The following RASGRP1 variants were observed in gnomAD, a reference collection of about 807,000 sequenced individuals.
The protein encoded by RASGRP1 is RAS guanyl-releasing protein 1.
A neutral mutation model predicts 95.1 loss-of-function variants in RASGRP1; 37 were observed. The ratio of observed to expected loss-of-function variants is 0.39; its 90% CI spans 0.30 to 0.51. The LOEUF (loss-of-function observed/expected upper bound fraction) is 0.51, where lower values mean the gene tolerates loss of function less well. Ranked by LOEUF, RASGRP1 falls within the 20% of genes least tolerant of loss-of-function variation. The probability of loss-of-function intolerance (pLI) is 0.80; values close to 1 mark genes in which losing one functional copy is unlikely to be tolerated. For synonymous variants in RASGRP1, 325 were observed against 353.4 expected, an observed-to-expected ratio of 0.92 and a Z score of 0.90; for missense variants, 711 against 965.4, an observed-to-expected ratio of 0.74 and a Z score of 3.49.
intron 6 of RASGRP1, 34 bp downstream of exon 6, chr15:38,516,163 G>A: frequency 6.5e-7 from 1 of 1,533,342 alleles, no homozygotes; most frequent in Non-Finnish European, 9.0e-7. Flanking sequence ...AAATATCCCA[G>A]GGAAGATTTT....
At chr15:38,551,881 T>C (rs866101834) in intron 2 of RASGRP1, among the ~76,000 whole-genome samples, 6 of 152,272 alleles carry the variant, frequency 3.9e-5, no homozygotes, top group Middle Eastern at 6.8e-3. Flanking sequence ...AACAAACTTA[T>C]GAAAACATAC....
chr15:38,509,534 C>T (rs1020635593), intron 8 of RASGRP1, among the ~76,000 whole-genome samples: 1 of 152,144 alleles, frequency 6.6e-6, no homozygotes, highest in African/African-American at 2.4e-5. Flanking sequence ...CAAGACCAGC[C>T]TGGCTAACAT....
intron 16 of RASGRP1, among the ~76,000 whole-genome samples, chr15:38,491,576 T>C (rs1890584250): frequency 6.6e-6 from 1 of 152,202 alleles, no homozygotes; most frequent in Admixed American, 6.5e-5. Flanking sequence ...CAGTGGTACA[T>C]TATACTTAAA....
chr15:38,508,587 AG>A (rs1891361458), intron 8 of RASGRP1, among the ~76,000 whole-genome samples: 2 of 152,226 alleles, frequency 1.3e-5, no homozygotes, highest in Non-Finnish European at 2.9e-5. Flanking sequence ...ATGACTAGAA[AG>A]CAAGTGACAT....
At chr15:38,493,302 T>A (rs2141074521) in intron 16 of RASGRP1, among the ~76,000 whole-genome samples, 1 of 150,506 alleles carries the variant, frequency 6.6e-6, no homozygotes, top group East Asian at 2.0e-4. Context: ...CTCAGCCTCC[T>A]GAGTAGCTGG....
At chr15:38,528,066 C>G (rs895278725) in intron 2 of RASGRP1, among the ~76,000 whole-genome samples, 5 of 152,082 alleles carry the variant, frequency 3.3e-5, no homozygotes, top group African/African-American at 1.2e-4. Context: ...ACTCTGTTGC[C>G]CTTATCCCCT....
At chr15:38,528,860 A>C (rs928060039) in intron 2 of RASGRP1, among the ~76,000 whole-genome samples, 7 of 152,152 alleles carry the variant, frequency 4.6e-5, no homozygotes, top group African/African-American at 1.4e-4. Flanking sequence ...CTACCTGGCA[A>C]ATCCAATTCA....
At chr15:38,546,150 C>T (rs976867399) in intron 2 of RASGRP1, among the ~76,000 whole-genome samples, 1 of 152,196 alleles carries the variant, frequency 6.6e-6, no homozygotes, top group Non-Finnish European at 1.5e-5. Context: ...ATAATGATTG[C>T]TACTGTTTTT....
intron 5 of RASGRP1, among the ~76,000 whole-genome samples, chr15:38,517,840 T>C (rs906771171): frequency 6.6e-6 from 1 of 152,168 alleles, no homozygotes. Context: ...TGGAATCCCA[T>C]CCAGCTCTGG....
chr15:38,490,947 A>G (rs570316028), intron 16 of RASGRP1, among the ~76,000 whole-genome samples: 1 of 152,196 alleles, frequency 6.6e-6, no homozygotes, highest in Non-Finnish European at 1.5e-5. Flanking sequence ...TTTCCGAGCA[A>G]TAGGTAGATA....
At chr15:38,563,247 C>G (rs1172471391) in intron 1 of RASGRP1, among the ~76,000 whole-genome samples, 1 of 152,080 alleles carries the variant, frequency 6.6e-6, no homozygotes, top group Non-Finnish European at 1.5e-5. Context: ...TTTTAACAAT[C>G]CATAGAATGA....
intron 10 of RASGRP1, among the ~76,000 whole-genome samples, chr15:38,505,419 C>G (rs915663376): frequency 6.6e-6 from 1 of 152,068 alleles, no homozygotes; most frequent in Non-Finnish European, 1.5e-5. Context: ...CTGATTAGTA[C>G]GCATATTACT....
chr15:38,513,315 G>A (rs1891619462), intron 6 of RASGRP1, among the ~76,000 whole-genome samples: 1 of 152,134 alleles, frequency 6.6e-6, no homozygotes, highest in South Asian at 2.1e-4. Flanking sequence ...CTAAGGTTAA[G>A]GGAATAAAAG....
intron 7 of RASGRP1, among the ~76,000 whole-genome samples, chr15:38,512,032 T>C (rs985997958): frequency 6.6e-6 from 1 of 152,216 alleles, no homozygotes; most frequent in Non-Finnish European, 1.5e-5. Context: ...AACCCAGACA[T>C]TCTGATTGCC....
At chr15:38,503,137 A>G in intron 11 of RASGRP1, 135 bp downstream of exon 11, 10 of 690,408 alleles carry the variant, frequency 1.4e-5, no homozygotes, top group Non-Finnish European at 2.3e-5. Context: ...TTCTAAAGCC[A>G]CAGTAAGAGA....
rs1222015099 is a variant in RASGRP1 at position 38,489,156 on chromosome 15, T to C, written c.*1398A>G. The C allele has an allele frequency of 6.6e-6, 1 of 151,974 alleles. No individual in the cohort carries two copies. The highest frequency in any genetic ancestry group is 2.4e-5 in the African/African-American group (1 of 41,434). 9.4% of individuals were successfully genotyped at this position (151,974 alleles called of 1,614,324 possible). The stretch of plus-strand genomic sequence containing the variant: ...TTAATTGTTAACATATTCTTGGCAA[T>C]TGGACAACTTGTTTATGAATTTCAA... On this transcript the variant is annotated 3_prime_UTR_variant, in exon 17 of 17. Transcript: ENST00000310803.
intron 2 of RASGRP1, among the ~76,000 whole-genome samples, chr15:38,545,059 A>G (rs1358003142): frequency 6.6e-6 from 1 of 152,106 alleles, no homozygotes; most frequent in African/African-American, 2.4e-5. Flanking sequence ...AAATTTGTTT[A>G]CCCTTTATAT....
rs912805317 is a variant in RASGRP1, at chr15:38,516,293, C to T, written c.579G>A (p.Lys193=). ...LTQRIKSNTS[K]KRKVSLLFDH... ...CAAAGAGCAGGGAGACTTTCCGTTT[C>T]TTGCTGGTATTTGATTTTATCCTTT... The change falls in exon 6 of 17, where the codon AAG becomes AAA. Residue 193 remains lysine, a synonymous_variant. Transcript: ENST00000310803. The T allele has an allele frequency of 6.2e-7, 1 of 1,607,322 alleles. No homozygotes were observed. Among genetic ancestry groups the T allele is most frequent in the Non-Finnish European group, 8.5e-7 (1 of 1,173,924 alleles).
chr15:38,547,639 T>A (rs1893152867), intron 2 of RASGRP1, among the ~76,000 whole-genome samples: 1 of 152,168 alleles, frequency 6.6e-6, no homozygotes, highest in African/African-American at 2.4e-5. Context: ...CTTGTTAAAT[T>A]TCCACCCAAA....
Sources: gnomAD v4.1 joint callset for allele counts (sites outside exome capture counted in the v4.1 genomes callset) on GRCh38, gnomAD v4.1.1 for gene constraint, MANE v1.5 for transcripts, NCBI Gene and HGNC (gene_info 2026-07-23, HGNC 2026-07-21) for gene names.